The following RNF141 variants were observed in gnomAD, a reference collection of about 807,000 sequenced individuals.
RNF141 encodes the protein ring finger protein 141.
Under a neutral mutation model 27.4 loss-of-function variants are expected in RNF141, and 18 were observed. The observed-to-expected ratio is 0.66, with a 90% CI of 0.45 to 0.97. The LOEUF is 0.97. Among genes scored for constraint, RNF141 ranks in the 50% least tolerant of loss-of-function variants. The pLI is 0.00. For missense variants in RNF141, 230 were observed against 279.4 expected, an observed-to-expected ratio of 0.82 and a Z score of 1.26; for synonymous variants, 97 against 96.6, an observed-to-expected ratio of 1.00 and a Z score of -0.02.
intron 4 of RNF141, among the ~76,000 whole-genome samples, chr11:10,521,942 A>G (rs1188082154): frequency 3.3e-5 from 5 of 152,202 alleles, no homozygotes; most frequent in Non-Finnish European, 5.9e-5. Context: ...ATCAGTGTAT[A>G]ATCAAGGGGA....
At chr11:10,533,223 A>G (rs994669040) in intron 2 of RNF141, among the ~76,000 whole-genome samples, 11 of 152,216 alleles carry the variant, frequency 7.2e-5, no homozygotes, top group Non-Finnish European at 1.0e-4. Flanking sequence ...CAAAAAAGTC[A>G]TATTTTAAAA....
At position 10,533,557 on chromosome 11, in the gene RNF141, ATGTG is replaced by A. The variant is rs576884509; in HGVS notation, c.143+455_143+458del. Among the ~76,000 whole-genome samples the A allele has an allele frequency of 1.5e-4, 23 of 149,686 alleles. 1 individual carries two copies. The South Asian group carries it at 4.7e-3, about 31-fold the overall frequency. On this transcript the variant is annotated intron_variant, in intron 2 of 5. Transcript: ENST00000265981. ...TAAAAAAAAGTATATATATATATGC[ATGTG>A]TGTGTCTATATACACACACACATGA...
chr11:10,533,335 G>T (rs1850005101), intron 2 of RNF141, among the ~76,000 whole-genome samples: 1 of 152,072 alleles, frequency 6.6e-6, no homozygotes, highest in South Asian at 2.1e-4. Flanking sequence ...ACAAATAGAA[G>T]ACTAAGTTGT....
chr11:10,514,881 G>A lies in RNF141; in HGVS notation c.*35C>T. 3.8e-6 allele frequency: 6 copies of A among 1,572,908 alleles called. No homozygotes were observed. The highest frequency in any genetic ancestry group is 5.2e-6 in the Non-Finnish European group (6 of 1,158,710). ...TCTTCCCCCATGACCAAATATTTGA[G>A]CCCACAATAGCAACAGAAGACTTTC... On this transcript the variant is annotated 3_prime_UTR_variant, in exon 6 of 6. Coordinates refer to ENST00000265981, the MANE Select transcript of RNF141 (RefSeq NM_016422.4).
At chr11:10,535,446 T>C (rs1358768834) in intron 1 of RNF141, among the ~76,000 whole-genome samples, 1 of 138,826 alleles carries the variant, frequency 7.2e-6, no homozygotes, top group Non-Finnish European at 1.5e-5. Context: ...AAGGAAGTTG[T>C]TGAGGAAGAT....
rs1378174384 is a variant in RNF141, at chr11:10,534,595, CA to C, written c.-47-391del. Among the ~76,000 whole-genome samples the C allele has an allele frequency of 4.6e-5, 7 of 152,252 alleles. No homozygotes were observed. In the East Asian group the frequency reaches 1.3e-3, roughly 29 times the overall value. On this transcript the variant is annotated intron_variant, in intron 1 of 5. Coordinates refer to ENST00000265981, the MANE Select transcript of RNF141 (RefSeq NM_016422.4). Reference sequence around the variant, plus strand: ...TGACTGCTTACCACATGTCAGGCTCCAAACTGTTTTCCGTATATTATGTCAA... The same window carrying C: ...TGACTGCTTACCACATGTCAGGCTCCAACTGTTTTCCGTATATTATGTCAA...
chr11:10,512,337 G>A lies in RNF141; in HGVS notation c.*2579C>T, dbSNP rs999515549. The stretch of plus-strand genomic sequence containing the variant: ...TAATTATCACCCAGTTCAATAGAGC[G>A]AACAAAGAGCTGTGCTCATTTATTT... On this transcript the variant is annotated 3_prime_UTR_variant, in exon 6 of 6. Coordinates refer to ENST00000265981, the MANE Select transcript of RNF141 (RefSeq NM_016422.4). 1.4e-4 allele frequency: 22 copies of A among 152,706 alleles called. No homozygotes were observed. Among genetic ancestry groups the A allele is most frequent in the Middle Eastern group, 3.4e-3 (1 of 294 alleles). 9.5% of individuals were successfully genotyped at this position (152,706 alleles called of 1,614,324 possible).
chr11:10,528,139 T>A (rs1268159094), intron 3 of RNF141, among the ~76,000 whole-genome samples: 1 of 152,180 alleles, frequency 6.6e-6, no homozygotes, highest in African/African-American at 2.4e-5. Flanking sequence ...TTAAGGATAA[T>A]CATAGCAGAT....
At chr11:10,529,213 G>C (rs1273175412) in intron 3 of RNF141, among the ~76,000 whole-genome samples, 3 of 152,220 alleles carry the variant, frequency 2.0e-5, no homozygotes, top group Non-Finnish European at 2.9e-5. Flanking sequence ...CCCTCTGTCA[G>C]TGTAGGTGTA....
At position 10,535,134 on chromosome 11, in the gene RNF141, C is replaced by T. The variant is rs573696158; in HGVS notation, c.-47-929G>A. ...TTCATCCAAATTAACAACCATATCA[C>T]ATAAAGCAGGTGAAACAGTAATACT... On this transcript the variant is annotated intron_variant, in intron 1 of 5. Coordinates refer to ENST00000265981, the MANE Select transcript of RNF141 (RefSeq NM_016422.4). 4.0e-5 allele frequency among the ~76,000 whole-genome samples: 6 copies of T among 151,054 alleles called. No individual in the cohort carries two copies. The South Asian group carries it at 8.3e-4, about 21-fold the overall frequency.
In RNF141 at chr11:10,534,128, A is replaced by G; in HGVS notation, c.31T>C (p.Leu11=). MGQQISDQTQ[L]VINKLPEKVA... ...TTTTCTGGTAACTTGTTAATAACCA[A>G]CTGTGTCTGATCCGAAATTTGCTGT... Residue 11 remains leucine, a synonymous_variant, in exon 2 of 6, where the codon TTG becomes CTG. Transcript: ENST00000265981. The G allele has an allele frequency of 3.7e-6, 6 of 1,613,516 alleles. No homozygotes were observed. The highest frequency in any genetic ancestry group is 3.4e-6 in the Non-Finnish European group (4 of 1,179,632).
intron 5 of RNF141, chr11:10,515,491 A>G (rs937692408): frequency 6.5e-6 from 1 of 153,460 alleles, no homozygotes. Context: ...GTTGCTACCA[A>G]CAATGCAGCA....
intron 4 of RNF141, among the ~76,000 whole-genome samples, chr11:10,524,870 ACTGT>A (rs1180602376): frequency 2.0e-4 from 31 of 152,328 alleles, no homozygotes; most frequent in African/African-American, 7.2e-4. Context: ...AAAAGCTTTG[ACTGT>A]CTAAGAACCT....
intron 4 of RNF141, among the ~76,000 whole-genome samples, chr11:10,523,487 A>T (rs1451489396): frequency 6.6e-6 from 1 of 152,230 alleles, no homozygotes; most frequent in Non-Finnish European, 1.5e-5. Flanking sequence ...ATACCCTGTA[A>T]GTAATCAATA....
rs10770123 is a variant in RNF141, at chr11:10,513,319, C to T, written c.*1597G>A. On this transcript the variant is annotated 3_prime_UTR_variant, in exon 6 of 6. Coordinates refer to ENST00000265981, the MANE Select transcript of RNF141 (RefSeq NM_016422.4). ...GCTCGCCTATTAAAATCCTACTATCCAGAAATTCTGTCATCAATAAGTGGC... is the reference window on the plus strand; with the variant it reads ...GCTCGCCTATTAAAATCCTACTATCTAGAAATTCTGTCATCAATAAGTGGC... The T allele has an allele frequency of 0.46, 69,670 of 152,010 alleles. 17,211 individuals are homozygous for T. The highest frequency in any genetic ancestry group is 0.67 in the East Asian group (3,468 of 5,180). The allele number at this position is 152,010 out of a possible 1,614,324, so 9.4% of individuals were successfully genotyped here. A position where few individuals can be genotyped will look rare whatever the true frequency, so the allele number is the denominator to read the frequency against.
rs970375743 is a variant in RNF141, at chr11:10,513,921, C to T, written c.*995G>A. The stretch of plus-strand genomic sequence containing the variant: ...AAACTCCTAACCTCAAATGATCCAC[C>T]CACCTCGGCCTCCCAAAGTGCTGGG... On this transcript the variant is annotated 3_prime_UTR_variant, in exon 6 of 6. Coordinates refer to ENST00000265981, the MANE Select transcript of RNF141 (RefSeq NM_016422.4). 3 of 152,130 alleles carry T rather than the reference C, an allele frequency of 2.0e-5. No homozygotes were observed. Among genetic ancestry groups the T allele is most frequent in the Admixed American group, 6.5e-5 (1 of 15,268 alleles). The allele number at this position is 152,130 out of a possible 1,614,324, so 9.4% of individuals were successfully genotyped here.
intron 1 of RNF141, among the ~76,000 whole-genome samples, chr11:10,534,628 C>T (rs1441928278): frequency 6.6e-6 from 1 of 152,132 alleles, no homozygotes. Context: ...TCAATTACTT[C>T]TTACAACAAT....
chr11:10,525,757 T>G (rs1012412325), intron 3 of RNF141, among the ~76,000 whole-genome samples: 2 of 152,240 alleles, frequency 1.3e-5, no homozygotes, highest in Non-Finnish European at 2.9e-5. Flanking sequence ...AACAACCGCA[T>G]GAGATTCTAC....
intron 3 of RNF141, among the ~76,000 whole-genome samples, chr11:10,527,974 A>G (rs576296456): frequency 5.3e-5 from 8 of 152,330 alleles, no homozygotes; most frequent in African/African-American, 1.9e-4. Flanking sequence ...TTGGTCTAAG[A>G]AAAAAGAAGG....
Sources: gnomAD v4.1 joint callset for allele counts (sites outside exome capture counted in the v4.1 genomes callset) on GRCh38, gnomAD v4.1.1 for gene constraint, MANE v1.5 for transcripts, NCBI Gene and HGNC (gene_info 2026-07-23, HGNC 2026-07-21) for gene names.